Variants in PRMT7 observed in about 807,000 individuals in gnomAD.
PRMT7 encodes the protein protein arginine methyltransferase 7, also known as protein arginine N-methyltransferase 7.
PRMT7 carries 75 observed loss-of-function variants against 85.4 expected under a neutral mutation model. That is an observed-to-expected ratio of 0.88 (90% CI 0.73 to 1.06). The LOEUF is 1.06. Ranked by LOEUF, PRMT7 falls within the 50% of genes least tolerant of loss-of-function variation. The pLI, the probability that PRMT7 is intolerant of heterozygous loss-of-function variation, is 0.00. For missense variants in PRMT7, 868 were observed against 915.2 expected (o/e 0.95, Z 0.67); for synonymous variants, 397 against 359.5 (o/e 1.10, Z -1.18).
Position 68,352,449 on chromosome 16 carries a change from G to C in PRMT7, c.1575+40G>C, listed in dbSNP as rs777620667. 1.9e-6 allele frequency: 3 copies of C among 1,561,568 alleles called. No homozygotes were observed. In the Admixed American group the frequency reaches 5.3e-5, roughly 28 times the overall value. On this transcript the variant is annotated intron_variant, in intron 15 of 18. Coordinates refer to ENST00000441236, the MANE Select transcript of PRMT7 (RefSeq NM_019023.5). ...GGATGTTGGAGAAAAAAGCAGAGGA[G>C]GCGGGTGGGGAACCTTGTTTTCTTG...
chr16:68,357,930 C>G lies in PRMT7; in HGVS notation c.*706C>G, dbSNP rs2088889557. The G allele has an allele frequency of 6.6e-6, 1 of 152,286 alleles. No individual in the cohort carries two copies. Among genetic ancestry groups the G allele is most frequent in the African/African-American group, 2.4e-5 (1 of 41,448 alleles). 9.4% of individuals were successfully genotyped at this position (152,286 alleles called of 1,614,324 possible). On this transcript the variant is annotated 3_prime_UTR_variant, in exon 19 of 19. Coordinates refer to ENST00000441236, the MANE Select transcript of PRMT7 (RefSeq NM_019023.5). ...AGGGGAGCTGGGAGGCAGCCCTGTT[C>G]CCTGCACCTCCCTCAGATTGGAAAG...
Position 68,339,311 on chromosome 16 carries a change from T to C in PRMT7, c.505-11T>C. On this transcript the variant is annotated splice_polypyrimidine_tract_variant and intron_variant, in intron 7 of 18. Transcript: ENST00000441236. ...GATTTTTGTTTGGTTTTGTTTTTAA[T>C]ATAAACTTAGGAAAATTGTGAGGCC... 6.2e-7 allele frequency: 1 copy of C among 1,613,048 alleles called. No individual in the cohort carries two copies. Among genetic ancestry groups the C allele is most frequent in the South Asian group, 1.1e-5 (1 of 91,070 alleles).
At chr16:68,314,925 T>C (rs1173743389) in intron 2 of PRMT7, among the ~76,000 whole-genome samples, 1 of 152,088 alleles carries the variant, frequency 6.6e-6, no homozygotes, top group Non-Finnish European at 1.5e-5. Flanking sequence ...AAATTGCTTT[T>C]AAAATTAAAA....
intron 15 of PRMT7, 123 bp from the exon 16 acceptor site, chr16:68,353,369 C>G (rs776195288): frequency 1.5e-5 from 23 of 1,534,566 alleles, no homozygotes; most frequent in Non-Finnish European, 1.9e-5. Flanking sequence ...TCTCTGAGCC[C>G]CTTCATACTT....
rs746426130 is a variant in PRMT7 at position 68,352,375 on chromosome 16, C to G, written c.1541C>G (p.Ala514Gly). The change falls in exon 15 of 19, where the codon GCA becomes GGA. Residue 514 changes from alanine to glycine, a missense_variant. Transcript: ENST00000441236. ...CCAGGTGCCATGGTGATGCCCCAGG[C>G]AGCCTCGCTGCACGCTGTGGTTGTG... ...LGPGAMVMPQAASLHAVVVEF... is the reference protein window; with the variant it reads ...LGPGAMVMPQGASLHAVVVEF... 9 of 1,608,886 alleles carry G rather than the reference C, an allele frequency of 5.6e-6. No individual in the cohort carries two copies. The South Asian group carries it at 9.9e-5, about 18-fold the overall frequency.
At chr16:68,350,167 T>C (rs567820290) in intron 14 of PRMT7, among the ~76,000 whole-genome samples, 16 of 152,384 alleles carry the variant, frequency 1.0e-4, no homozygotes, top group Middle Eastern at 6.8e-3. Flanking sequence ...TATCCATTCA[T>C]GTGCTTATGG....
At chr16:68,329,790 G>A (rs1031072774) in intron 6 of PRMT7, among the ~76,000 whole-genome samples, 4 of 152,038 alleles carry the variant, frequency 2.6e-5, no homozygotes, top group Non-Finnish European at 4.4e-5. Flanking sequence ...AATGGCGAGA[G>A]TAGTTCTGAC....
intron 6 of PRMT7, among the ~76,000 whole-genome samples, chr16:68,330,265 G>A (rs552093764): frequency 1.3e-5 from 2 of 152,268 alleles, no homozygotes; most frequent in East Asian, 3.9e-4. Flanking sequence ...GACACTTAGA[G>A]AACATAGTTG....
At chr16:68,347,780 C>T in intron 13 of PRMT7, 102 bp downstream of exon 13, 1 of 1,061,980 alleles carries the variant, frequency 9.4e-7, no homozygotes, top group South Asian at 1.4e-5. Flanking sequence ...GGAGTGGTGG[C>T]TCGCTTGCAC....
Position 68,352,286 on chromosome 16 carries a change from C to T in PRMT7, c.1452C>T (p.Ser484=). 6.2e-7 allele frequency: 1 copy of T among 1,613,766 alleles called. No individual in the cohort carries two copies. Among genetic ancestry groups the T allele is most frequent in the Non-Finnish European group, 8.5e-7 (1 of 1,180,032 alleles). ...LLLGEPFFTT[S]LLPWHNLYFW... is the part of the protein sequence containing the mutation. ...TGGGCGAGCCGTTCTTCACTACCAG[C>T]CTGCTGCCGTGGCACAACCTCTACT... is the stretch of plus-strand genomic sequence containing the variant. The change falls in exon 15 of 19, where the codon AGC becomes AGT. Residue 484 remains serine, a synonymous_variant. Coordinates refer to ENST00000441236, the MANE Select transcript of PRMT7 (RefSeq NM_019023.5).
chr16:68,326,282 A>G (rs1437154229), intron 5 of PRMT7, among the ~76,000 whole-genome samples: 4 of 152,124 alleles, frequency 2.6e-5, no homozygotes, highest in African/African-American at 9.7e-5. Flanking sequence ...AAGGTAGAGT[A>G]GTTTTTTGCT....
intron 9 of PRMT7, among the ~76,000 whole-genome samples, chr16:68,341,215 T>A (rs943935629): frequency 6.6e-6 from 1 of 152,202 alleles, no homozygotes; most frequent in Admixed American, 6.5e-5. Flanking sequence ...ACTCTCACAC[T>A]CAAAGGAAAA....
chr16:68,348,381 A>G lies in PRMT7; in HGVS notation c.1363A>G (p.Ile455Val), dbSNP rs1264423626. 3 of 1,612,554 alleles carry G rather than the reference A, an allele frequency of 1.9e-6. No homozygotes were observed. The highest frequency in any genetic ancestry group is 2.5e-6 in the Non-Finnish European group (3 of 1,178,618). Reference protein sequence around the residue: ...ANHLEDKINIIEKRPELLTNE... With the variant: ...ANHLEDKINIVEKRPELLTNE... ...CCACTTGGAAGATAAAATTAACATCATAGAGAAACGGCCGGAATTATTAAC... is the reference window on the plus strand; with the variant it reads ...CCACTTGGAAGATAAAATTAACATCGTAGAGAAACGGCCGGAATTATTAAC... Residue 455 changes from isoleucine (I) to valine (V), a missense_variant, in exon 14 of 19, where the codon ATA (isoleucine) becomes GTA (valine). By Grantham distance (29) the Ile-to-Val change is conservative. Coordinates refer to ENST00000441236, the MANE Select transcript of PRMT7 (RefSeq NM_019023.5).
chr16:68,353,334 C>G, intron 15 of PRMT7, 158 bp from the exon 16 acceptor site: 1 of 1,448,620 alleles, frequency 6.9e-7, no homozygotes, highest in Non-Finnish European at 9.1e-7. Context: ...CAGTCTGTTA[C>G]AGAAACCGTT....
intron 14 of PRMT7, among the ~76,000 whole-genome samples, chr16:68,350,407 C>T (rs1368163968): frequency 6.6e-6 from 1 of 151,622 alleles, no homozygotes. Flanking sequence ...TCCAGGTTCT[C>T]GGATCCTCAC....
At chr16:68,356,873 C>G in intron 18 of PRMT7, 76 bp downstream of exon 18, 1 of 1,451,424 alleles carries the variant, frequency 6.9e-7, no homozygotes, top group South Asian at 1.2e-5. Context: ...CTCCCTGCCC[C>G]CATGCTCTGG....
chr16:68,312,389 C>T (rs967814327), intron 2 of PRMT7, among the ~76,000 whole-genome samples: 2 of 151,742 alleles, frequency 1.3e-5, no homozygotes, highest in East Asian at 1.9e-4. Flanking sequence ...CAGGCCACCG[C>T]GCCCGGCTAA....
chr16:68,350,099 TC>T (rs1487110953), intron 14 of PRMT7, among the ~76,000 whole-genome samples: 2 of 152,178 alleles, frequency 1.3e-5, no homozygotes, highest in African/African-American at 4.8e-5. Flanking sequence ...GAGCATAATG[TC>T]TTTGAGATTC....
At chr16:68,312,230 T>TATATATATATATA (rs1555537325) in intron 2 of PRMT7, 54 bp downstream of exon 2, 2 of 65,532 alleles carry the variant, frequency 3.1e-5, no homozygotes, top group East Asian at 6.8e-4. Context: ...TATATATATA[T>TATATATATATATA]TTTTTTTTTT....
Sources: gnomAD v4.1 joint callset for allele counts (sites outside exome capture counted in the v4.1 genomes callset) on GRCh38, gnomAD v4.1.1 for gene constraint, MANE v1.5 for transcripts, NCBI Gene and HGNC (gene_info 2026-07-23, HGNC 2026-07-21) for gene names.